The following CLVS1 variants were observed in gnomAD, a reference collection of about 807,000 sequenced individuals.
CLVS1 encodes the protein clavesin 1.
Under a neutral mutation model 33.1 loss-of-function variants are expected in CLVS1, and 10 were observed. The ratio of observed to expected loss-of-function variants is 0.30; its 90% CI spans 0.19 to 0.51. CLVS1 has a LOEUF of 0.51. Among genes scored for constraint, CLVS1 ranks in the 20% least tolerant of loss-of-function variants. CLVS1 has a pLI of 0.97. For missense variants in CLVS1, 343 were observed against 433.4 expected (o/e 0.79, Z 1.85); for synonymous variants, 163 against 166.1 (o/e 0.98, Z 0.14).
intron 2 of CLVS1, among the ~76,000 whole-genome samples, chr8:61,193,565 TA>T (rs1217962091): frequency 6.6e-6 from 1 of 151,834 alleles, no homozygotes; most frequent in Non-Finnish European, 1.5e-5. Flanking sequence ...GAAATGACAG[TA>T]GTCTTAACAA....
At position 61,340,926 on chromosome 8, in the gene CLVS1, G is replaced by C. The variant is rs531052197; in HGVS notation, c.456-35679G>C. 6.4e-4 allele frequency among the ~76,000 whole-genome samples: 98 copies of C among 152,330 alleles called. No homozygotes were observed. The South Asian group carries it at 0.02, about 32-fold the overall frequency. On this transcript the variant is annotated intron_variant, in intron 2 of 5. Coordinates refer to ENST00000325897, the MANE Select transcript of CLVS1 (RefSeq NM_173519.3). ...CCCTGGGGTGGGTGGAATGTTTTCA[G>C]ATTGGCAGTTTTGGGAATGTGAAGA...
chr8:61,046,177 G>A, the CLVS1 span, among the ~76,000 whole-genome samples: 1 of 146,122 alleles, frequency 6.8e-6, no homozygotes, highest in East Asian at 2.0e-4. Context: ...AAGGTGTAAG[G>A]AAGGGATCCA....
intron 1 of CLVS1, among the ~76,000 whole-genome samples, chr8:61,069,037 G>C (rs1804737940): frequency 6.6e-6 from 1 of 152,144 alleles, no homozygotes; most frequent in African/African-American, 2.4e-5. Flanking sequence ...CACGATCTCG[G>C]CTCACTGCAA....
chr8:61,416,117 A>T (rs35654341), intron 3 of CLVS1, among the ~76,000 whole-genome samples: 146 of 152,310 alleles, frequency 9.6e-4, no homozygotes, highest in Non-Finnish European at 1.5e-3. Context: ...TTACATGACA[A>T]GGTTATGGGA....
At chr8:61,067,206 A>G (rs986073827) in intron 1 of CLVS1, among the ~76,000 whole-genome samples, 1 of 151,534 alleles carries the variant, frequency 6.6e-6, no homozygotes, top group African/African-American at 2.4e-5. Context: ...ATTAGTTTGA[A>G]TATCTTTTTG....
At chr8:61,089,735 A>G (rs1421614246) in intron 1 of CLVS1, among the ~76,000 whole-genome samples, 6 of 151,940 alleles carry the variant, frequency 3.9e-5, no homozygotes, top group Non-Finnish European at 7.4e-5. Flanking sequence ...CCTGGGCAAC[A>G]TAGCAAGACT....
chr8:61,203,281 A>G, intron 2 of CLVS1: 1 of 799,374 alleles, frequency 1.3e-6, no homozygotes, highest in South Asian at 1.3e-5. Flanking sequence ...CATTTCTGTA[A>G]CAGTTGATAT....
intron 1 of CLVS1, among the ~76,000 whole-genome samples, chr8:61,106,225 T>C (rs2129287419): frequency 6.6e-6 from 1 of 152,236 alleles, no homozygotes; most frequent in Non-Finnish European, 1.5e-5. Context: ...AGTGCCAGAA[T>C]ATCAAAGTGG....
intron 1 of CLVS1, among the ~76,000 whole-genome samples, chr8:61,097,865 A>G (rs1254848213): frequency 1.3e-5 from 2 of 152,198 alleles, no homozygotes; most frequent in African/African-American, 4.8e-5. Flanking sequence ...ATAATCTACA[A>G]TCATGTGGAA....
At chr8:61,246,683 A>G in intron 2 of CLVS1, among the ~76,000 whole-genome samples, 1 of 152,058 alleles carries the variant, frequency 6.6e-6, no homozygotes, top group East Asian at 1.9e-4. Flanking sequence ...AAAAATTCTT[A>G]ATAAAAATAA....
At chr8:61,352,311 T>G (rs1434341804) in intron 2 of CLVS1, among the ~76,000 whole-genome samples, 2 of 151,886 alleles carry the variant, frequency 1.3e-5, no homozygotes, top group African/African-American at 4.8e-5. Flanking sequence ...AATCCTAAGA[T>G]GTTTAAGTAA....
chr8:61,157,222 A>G (rs1312956465), intron 2 of CLVS1, among the ~76,000 whole-genome samples: 9 of 152,214 alleles, frequency 5.9e-5, no homozygotes, highest in African/African-American at 1.7e-4. Context: ...TAAAACACAT[A>G]AAAGTAAGGC....
chr8:61,215,420 T>A (rs1484562566), intron 2 of CLVS1, among the ~76,000 whole-genome samples: 3 of 152,198 alleles, frequency 2.0e-5, no homozygotes, highest in African/African-American at 7.2e-5. Flanking sequence ...CTAAAGTCAC[T>A]GTGTACCTGA....
intron 2 of CLVS1, among the ~76,000 whole-genome samples, chr8:61,345,347 T>A (rs1224380821): frequency 6.6e-6 from 1 of 152,202 alleles, no homozygotes; most frequent in Non-Finnish European, 1.5e-5. Context: ...TTATTTTCAT[T>A]CTCAAAGCAA....
At chr8:61,313,731 ACT>A (rs1042843739) in intron 2 of CLVS1, among the ~76,000 whole-genome samples, 2 of 151,972 alleles carry the variant, frequency 1.3e-5, no homozygotes, top group African/African-American at 4.8e-5. Context: ...AACCAGGGAG[ACT>A]CTTTCTAGAC....
intron 5 of CLVS1, among the ~76,000 whole-genome samples, chr8:61,480,270 G>T (rs1417163378): frequency 6.6e-6 from 1 of 152,230 alleles, no homozygotes; most frequent in Non-Finnish European, 1.5e-5. Flanking sequence ...ACCTACTCAA[G>T]CCTTGTTAAT....
chr8:61,031,643 C>T, the CLVS1 span, among the ~76,000 whole-genome samples: 27,395 of 152,156 alleles, frequency 0.18, 2,557 homozygotes, highest in Admixed American at 0.23. Context: ...CAGAACTGCA[C>T]GGCAGAGGAA....
chr8:61,459,096 G>C (rs1354538092), intron 5 of CLVS1, among the ~76,000 whole-genome samples: 1 of 152,094 alleles, frequency 6.6e-6, no homozygotes, highest in East Asian at 1.9e-4. Flanking sequence ...CTTGGGAAAT[G>C]GCATATAGCA....
At chr8:61,033,492 A>G in the CLVS1 span, among the ~76,000 whole-genome samples, 864 of 152,184 alleles carry the variant, frequency 5.7e-3, 15 homozygotes, top group African/African-American at 0.019. Flanking sequence ...AGGTCCAGAG[A>G]AACAGCCCCT....
Sources: gnomAD v4.1 joint callset for allele counts (sites outside exome capture counted in the v4.1 genomes callset) on GRCh38, gnomAD v4.1.1 for gene constraint, MANE v1.5 for transcripts, NCBI Gene and HGNC (gene_info 2026-07-23, HGNC 2026-07-21) for gene names.